Variants in COX20 observed in about 807,000 individuals in gnomAD.
The protein encoded by COX20 is cytochrome c oxidase assembly factor COX20.
A neutral mutation model predicts 14.3 loss-of-function variants in COX20; 14 were observed. That is an observed-to-expected ratio of 0.98 (90% confidence interval 0.65 to 1.53). The LOEUF (loss-of-function observed/expected upper bound fraction) is 1.53. Ranked by LOEUF, COX20 falls within the 40% of genes most tolerant of loss-of-function variation. COX20 has a pLI of 0.00. For missense variants in COX20, 149 were observed against 142.1 expected, an observed-to-expected ratio of 1.05 and a Z score of -0.25; for synonymous variants, 56 against 51.7, an observed-to-expected ratio of 1.08 and a Z score of -0.36.
At chr1:244,840,302 A>G (rs1003867898) in intron 1 of COX20, 9 of 152,184 alleles carry the variant, frequency 5.9e-5, no homozygotes, top group African/African-American at 1.9e-4. Flanking sequence ...ATCCTGTGGT[A>G]CAAGCTGGTC....
intron 1 of COX20, among the ~76,000 whole-genome samples, chr1:244,839,389 C>G (rs1680105052): frequency 6.6e-6 from 1 of 152,132 alleles, no homozygotes; most frequent in Non-Finnish European, 1.5e-5. Context: ...TCAGGGTGAG[C>G]TGGTAAAGCT....
Position 244,843,793 on chromosome 1 carries a change from A to C in COX20, c.*617A>C, listed in dbSNP as rs1474072619. Reference sequence around the variant, plus strand: ...TTCTGAATTAAAATATGCACATGGAACTTGTCTGGCAGACTGATGCAATAG... The same window carrying C: ...TTCTGAATTAAAATATGCACATGGACCTTGTCTGGCAGACTGATGCAATAG... On this transcript the variant is annotated 3_prime_UTR_variant, in exon 4 of 4. Coordinates refer to ENST00000411948, the MANE Select transcript of COX20 (RefSeq NM_198076.6). 6.6e-6 allele frequency: 1 copy of C among 152,182 alleles called. No homozygotes were observed. The highest frequency in any genetic ancestry group is 1.5e-5 in the Non-Finnish European group (1 of 68,038). The allele number at this position is 152,182 out of a possible 1,614,324, so 9.4% of individuals were successfully genotyped here. A position where few individuals can be genotyped will look rare whatever the true frequency, so the allele number is the denominator to read the frequency against.
chr1:244,836,284 A>G (rs561904391), intron 1 of COX20, among the ~76,000 whole-genome samples: 2 of 152,184 alleles, frequency 1.3e-5, no homozygotes, highest in South Asian at 4.1e-4. Context: ...TCCACCTTCC[A>G]CTATTGTCCG....
At chr1:244,837,701 T>C (rs1431534493) in intron 1 of COX20, among the ~76,000 whole-genome samples, 2 of 152,192 alleles carry the variant, frequency 1.3e-5, no homozygotes, top group Non-Finnish European at 2.9e-5. Flanking sequence ...GACATTCTAC[T>C]GGAGGAATCA....
intron 3 of COX20, 48 bp downstream of exon 3, chr1:244,842,306 C>A: frequency 1.5e-6 from 2 of 1,297,400 alleles, no homozygotes; most frequent in Non-Finnish European, 2.2e-6. Context: ...AGTAGGTTAT[C>A]TAATTCAAAA....
chr1:244,839,578 T>C (rs922332552), intron 1 of COX20, among the ~76,000 whole-genome samples: 2 of 152,174 alleles, frequency 1.3e-5, no homozygotes, highest in Non-Finnish European at 2.9e-5. Context: ...AATAGAATAC[T>C]TCAAAGGGAG....
At chr1:244,836,865 C>T (rs1680005461) in intron 1 of COX20, among the ~76,000 whole-genome samples, 1 of 152,028 alleles carries the variant, frequency 6.6e-6, no homozygotes, top group East Asian at 1.9e-4. Flanking sequence ...AAATTGTTTT[C>T]ATACTTAATA....
chr1:244,841,442 T>A (rs1165093837), intron 1 of COX20: 1 of 154,588 alleles, frequency 6.5e-6, no homozygotes, highest in Non-Finnish European at 1.4e-5. Flanking sequence ...ACATTTACTC[T>A]TACAACCACA....
At chr1:244,843,019 A>G in intron 3 of COX20, 22 bp from the exon 4 acceptor site, 1 of 1,484,926 alleles carries the variant, frequency 6.7e-7, no homozygotes, top group Non-Finnish European at 9.0e-7. Context: ...TTAACAATTT[A>G]TTCATATTCT....
intron 2 of COX20, 66 bp downstream of exon 2, chr1:244,842,124 T>A (rs1041084909): frequency 6.7e-7 from 1 of 1,492,824 alleles, no homozygotes; most frequent in Non-Finnish European, 9.3e-7. Flanking sequence ...AATGAACTAT[T>A]TTTTTTTCTA....
rs2102978560 is a variant in COX20 at position 244,844,622 on chromosome 1, G to A, written c.*1446G>A. On this transcript the variant is annotated 3_prime_UTR_variant, in exon 4 of 4. Coordinates refer to ENST00000411948, the MANE Select transcript of COX20 (RefSeq NM_198076.6). ...AAAATACAAAAATTAGCCGGGCGTG[G>A]TGGTGCATGCCTGTAGTCCCAGGTA... is the stretch of plus-strand genomic sequence containing the variant. 6.6e-6 allele frequency: 1 copy of A among 152,320 alleles called. No homozygotes were observed. The highest frequency in any genetic ancestry group is 6.5e-5 in the Admixed American group (1 of 15,298). The allele number at this position is 152,320 out of a possible 1,614,324, so 9.4% of individuals were successfully genotyped here. A position where few individuals can be genotyped will look rare whatever the true frequency, so the allele number is the denominator to read the frequency against.
At chr1:244,842,292 T>G (rs1680239963) in intron 3 of COX20, 34 bp downstream of exon 3, 1 of 1,383,800 alleles carries the variant, frequency 7.2e-7, no homozygotes, top group African/African-American at 1.4e-5. Flanking sequence ...ACATCCATGA[T>G]TATAGTAGGT....
chr1:244,840,899 C>T (rs1680175626), intron 1 of COX20: 1 of 152,202 alleles, frequency 6.6e-6, no homozygotes, highest in African/African-American at 2.4e-5. Context: ...ACAATACTAA[C>T]CCATTGAAGA....
rs1001365467 is a variant in COX20, at chr1:244,844,650, CAGG to C, written c.*1478_*1480del. ...GTGCATGCCTGTAGTCCCAGGTACT[CAGG>C]AGGCTGAGGCAGGAGAATCACTTGA... On this transcript the variant is annotated 3_prime_UTR_variant, in exon 4 of 4. Transcript: ENST00000411948. The C allele has an allele frequency of 3.5e-4, 53 of 152,034 alleles. No homozygotes were observed. The highest frequency in any genetic ancestry group is 1.1e-3 in the African/African-American group (46 of 41,410). The allele number at this position is 152,034 out of a possible 1,614,324, so 9.4% of individuals were successfully genotyped here.
rs1292834331 is a variant in COX20, at chr1:244,844,904, ACCTTAGTTATT to A, written c.*1733_*1743del. On this transcript the variant is annotated 3_prime_UTR_variant, in exon 4 of 4. Transcript: ENST00000411948. The stretch of plus-strand genomic sequence containing the variant: ...GGACAGGCCACTTATGCTCAGTTTT[ACCTTAGTTATT>A]CCTTGGTATCCACAGGCCCAAGTCC... 3 of 152,460 alleles carry A rather than the reference ACCTTAGTTATT, an allele frequency of 2.0e-5. No homozygotes were observed. Among genetic ancestry groups the A allele is most frequent in the Non-Finnish European group, 4.4e-5 (3 of 68,030 alleles). The allele number at this position is 152,460 out of a possible 1,614,324, so 9.4% of individuals were successfully genotyped here.
Position 244,841,935 on chromosome 1 carries a change from T to A in COX20, c.43-9T>A. On this transcript the variant is annotated splice_polypyrimidine_tract_variant and intron_variant, in intron 1 of 3. Coordinates refer to ENST00000411948, the MANE Select transcript of COX20 (RefSeq NM_198076.6). ...CTTACTCAATCTAGGTTCTTTTTTT[T>A]CATTCTAGTCCCTTAAGCTCCTAGG... The A allele has an allele frequency of 6.5e-7, 1 of 1,535,800 alleles. No homozygotes were observed. Among genetic ancestry groups the A allele is most frequent in the East Asian group, 2.2e-5 (1 of 44,536 alleles).
rs1293917354 is a variant in COX20, at chr1:244,843,482, A to G, written c.*306A>G. On this transcript the variant is annotated 3_prime_UTR_variant, in exon 4 of 4. Transcript: ENST00000411948. ...TTGGAGTTTCCTTGTAGTAGTAAGT[A>G]TAGAGTTTGATGATAAGTAAACGTC... The G allele has an allele frequency of 3.9e-6, 1 of 257,986 alleles. No individual in the cohort carries two copies. The highest frequency in any genetic ancestry group is 7.3e-6 in the Non-Finnish European group (1 of 136,542). The allele number at this position is 257,986 out of a possible 1,614,324, so 16.0% of individuals were successfully genotyped here. A position where few individuals can be genotyped will look rare whatever the true frequency, so the allele number is the denominator to read the frequency against.
intron 1 of COX20, chr1:244,840,373 C>CA (rs1238578176): frequency 6.6e-6 from 1 of 152,268 alleles, no homozygotes; most frequent in Admixed American, 6.5e-5. Flanking sequence ...CTGGCCCCAG[C>CA]ATCCCATCCT....
At chr1:244,841,885 A>G in intron 1 of COX20, 59 bp from the exon 2 acceptor site, 1 of 1,100,796 alleles carries the variant, frequency 9.1e-7, no homozygotes, top group Non-Finnish European at 1.4e-6. Flanking sequence ...CATTTTTGCC[A>G]AAGCACCCCA....
Sources: allele counts gnomAD v4.1 joint callset (sites outside exome capture counted in the v4.1 genomes callset), GRCh38; gene constraint gnomAD v4.1.1; transcripts MANE v1.5; gene names NCBI Gene and HGNC (gene_info 2026-07-23, HGNC 2026-07-21).